Variants in ATP9A observed in about 807,000 individuals in gnomAD.
The protein encoded by ATP9A is probable phospholipid-transporting ATPase IIA.
ATP9A carries 52 observed loss-of-function variants against 144.1 expected under a neutral mutation model. The observed-to-expected ratio is 0.36, with a 90% CI of 0.29 to 0.45. The LOEUF (loss-of-function observed/expected upper bound fraction) is 0.45, where lower values mean the gene tolerates loss of function less well. ATP9A is among the 20% of genes least tolerant of loss of function. The probability of loss-of-function intolerance (pLI) is 1.00; values close to 1 mark genes in which losing one functional copy is unlikely to be tolerated. For synonymous variants in ATP9A, 582 were observed against 557.4 expected, an observed-to-expected ratio of 1.04 and a Z score of -0.62; for missense variants, 947 against 1,392.7, an observed-to-expected ratio of 0.68 and a Z score of 5.09.
intron 3 of ATP9A, among the ~76,000 whole-genome samples, chr20:51,717,477 G>A (rs1289951589): frequency 6.6e-6 from 1 of 152,108 alleles, no homozygotes; most frequent in Non-Finnish European, 1.5e-5. Flanking sequence ...AGCCATCACA[G>A]GAAAAGCTGA....
chr20:51,753,686 A>G (rs2077843288), intron 1 of ATP9A, among the ~76,000 whole-genome samples: 1 of 140,074 alleles, frequency 7.1e-6, no homozygotes, highest in Non-Finnish European at 1.5e-5. Flanking sequence ...TTTTTTAATG[A>G]GACTGAGCCT....
At chr20:51,610,966 T>C (rs1445360072) in intron 23 of ATP9A, among the ~76,000 whole-genome samples, 1 of 152,162 alleles carries the variant, frequency 6.6e-6, no homozygotes, top group Admixed American at 6.5e-5. Context: ...TAATGATGAA[T>C]AGGCTGGGGA....
At chr20:51,621,726 TC>T (rs906921955) in intron 19 of ATP9A, among the ~76,000 whole-genome samples, 12 of 152,118 alleles carry the variant, frequency 7.9e-5, no homozygotes, top group African/African-American at 2.9e-4. Flanking sequence ...TTCCGTGAAA[TC>T]CCAGGAATCC....
chr20:51,614,957 C>T (rs2077197393), intron 22 of ATP9A, among the ~76,000 whole-genome samples: 2 of 152,004 alleles, frequency 1.3e-5, no homozygotes, highest in African/African-American at 4.8e-5. Context: ...GCTGTGAAGA[C>T]ACTCAGAGGA....
intron 17 of ATP9A, among the ~76,000 whole-genome samples, chr20:51,626,505 A>C (rs1231374101): frequency 6.6e-6 from 1 of 151,522 alleles, no homozygotes; most frequent in African/African-American, 2.4e-5. Context: ...AAAAAAAAAA[A>C]AAAGAAAAGA....
At chr20:51,741,034 T>TTTAATTAATTAAAATTAAATTTTAA (rs2077782880) in intron 1 of ATP9A, among the ~76,000 whole-genome samples, 3 of 148,336 alleles carry the variant, frequency 2.0e-5, no homozygotes, top group Non-Finnish European at 4.5e-5. Flanking sequence ...TAAATTTTAA[T>TTTAATTAATTAAAATTAAATTTTAA]TTAATTAATT....
At chr20:51,690,426 AAAC>A (rs2077543370) in intron 8 of ATP9A, among the ~76,000 whole-genome samples, 1 of 152,168 alleles carries the variant, frequency 6.6e-6, no homozygotes, top group African/African-American at 2.4e-5. Context: ...TCTCAAAAAA[AAAC>A]AAGAGGACAC....
chr20:51,604,383 C>A (rs1171050478), intron 27 of ATP9A, among the ~76,000 whole-genome samples: 2 of 152,166 alleles, frequency 1.3e-5, no homozygotes, highest in Non-Finnish European at 2.9e-5. Context: ...GGAGCTCTAT[C>A]AGGACACAGC....
chr20:51,614,382 C>T (rs2077195205), intron 22 of ATP9A, among the ~76,000 whole-genome samples: 1 of 152,300 alleles, frequency 6.6e-6, no homozygotes, highest in South Asian at 2.1e-4. Flanking sequence ...CTTACAGCAA[C>T]TTCTGCCTCC....
At chr20:51,688,933 G>A in intron 9 of ATP9A, 131 bp downstream of exon 9, 1 of 985,452 alleles carries the variant, frequency 1.0e-6, no homozygotes, top group Non-Finnish European at 1.6e-6. Flanking sequence ...TTCCCTGGAG[G>A]TGTCGGAACA....
At chr20:51,601,939 T>A (rs2122701433) in intron 27 of ATP9A, among the ~76,000 whole-genome samples, 1 of 152,074 alleles carries the variant, frequency 6.6e-6, no homozygotes, top group South Asian at 2.1e-4. Flanking sequence ...GAAAGAAAAT[T>A]ACAGGGGAAG....
chr20:51,644,142 A>G (rs1396261535), intron 14 of ATP9A, among the ~76,000 whole-genome samples: 1 of 152,118 alleles, frequency 6.6e-6, no homozygotes, highest in Non-Finnish European at 1.5e-5. Context: ...CTCAAAAATA[A>G]ATAAATAAAT....
intron 9 of ATP9A, among the ~76,000 whole-genome samples, chr20:51,687,775 A>AAAATGAATGAATG (rs1555836825): frequency 2.0e-5 from 3 of 147,570 alleles, no homozygotes; most frequent in African/African-American, 7.6e-5. Context: ...AAAAAAAAAA[A>AAAATGAATGAATG]AATGAATGAA....
intron 1 of ATP9A, among the ~76,000 whole-genome samples, chr20:51,740,493 T>C (rs1473489410): frequency 6.7e-6 from 1 of 148,808 alleles, no homozygotes; most frequent in African/African-American, 2.5e-5. Flanking sequence ...GTGGATTACC[T>C]GAGGTCAGGA....
In ATP9A at chr20:51,730,021, C is replaced by G. The variant is rs777197740; in HGVS notation, c.69-43G>C. ...ACGCATCAAGGCCACGCCCACGCATCGAGGCTGTGCTCATGTCTGCCCACT... is the reference window on the plus strand; with the variant it reads ...ACGCATCAAGGCCACGCCCACGCATGGAGGCTGTGCTCATGTCTGCCCACT... On this transcript the variant is annotated intron_variant, in intron 1 of 27. Coordinates refer to ENST00000338821, the MANE Select transcript of ATP9A (RefSeq NM_006045.3). The G allele has an allele frequency of 4.8e-6, 7 of 1,452,792 alleles. No individual in the cohort carries two copies. In the East Asian group the frequency reaches 7.6e-5, roughly 16 times the overall value. 90.0% of individuals were successfully genotyped at this position (1,452,792 alleles called of 1,614,324 possible).
At chr20:51,681,414 C>T (rs2077499154) in intron 9 of ATP9A, among the ~76,000 whole-genome samples, 1 of 148,608 alleles carries the variant, frequency 6.7e-6, no homozygotes, top group South Asian at 2.1e-4. Flanking sequence ...CCTCTATAGC[C>T]CATCCTAAAT....
At position 51,725,837 on chromosome 20, in the gene ATP9A, A is replaced by G; in HGVS notation, c.309T>C (p.Tyr103=). The change falls in exon 3 of 28, where the codon TAT becomes TAC. Residue 103 remains tyrosine, a synonymous_variant. Transcript: ENST00000338821. ...AACTTACCAGGGGAACCCAGTAGGT[A>G]TAGAGTGCACCAAGTCTCATTTCGG... ...FVPEMRLGAL[Y]TYWVPLGFVL... The G allele has an allele frequency of 3.1e-6, 5 of 1,606,384 alleles. No individual in the cohort carries two copies. In the South Asian group the frequency reaches 3.3e-5, roughly 11 times the overall value.
intron 19 of ATP9A, among the ~76,000 whole-genome samples, chr20:51,620,858 C>A (rs2077223967): frequency 6.6e-6 from 1 of 152,028 alleles, no homozygotes; most frequent in Non-Finnish European, 1.5e-5. Context: ...AAATTTTAAG[C>A]CACTCTAGGC....
intron 15 of ATP9A, among the ~76,000 whole-genome samples, chr20:51,638,071 T>TATATATATATATATATATA (rs58144454): frequency 2.9e-5 from 1 of 34,192 alleles, no homozygotes; most frequent in Non-Finnish European, 5.8e-5. Flanking sequence ...TTTCATCATT[T>TATATATATATATATATATA]TATATATATA....
Sources: allele counts gnomAD v4.1 joint callset (sites outside exome capture counted in the v4.1 genomes callset), GRCh38; gene constraint gnomAD v4.1.1; transcripts MANE v1.5; gene names NCBI Gene and HGNC (gene_info 2026-07-23, HGNC 2026-07-21).